The following EPHA5 variants were observed in gnomAD, a reference collection of about 807,000 sequenced individuals.
EPHA5 encodes the protein EPH receptor A5.
EPHA5 carries 60 observed loss-of-function variants against 105.0 expected under a neutral mutation model. That is an observed-to-expected ratio of 0.57 (90% CI 0.46 to 0.71). EPHA5 has a LOEUF of 0.71. EPHA5 is among the 30% of genes least tolerant of loss of function. The probability of loss-of-function intolerance (pLI) is 0.00; values close to 1 mark genes in which losing one functional copy is unlikely to be tolerated. For missense variants in EPHA5, 1,218 were observed against 1,274.7 expected (o/e 0.96, Z 0.68); for synonymous variants, 513 against 449.1 (o/e 1.14, Z -1.80).
intron 15 of EPHA5, among the ~76,000 whole-genome samples, chr4:65,333,241 TA>T (rs1171367496): frequency 6.6e-6 from 1 of 151,758 alleles, no homozygotes; most frequent in Non-Finnish European, 1.5e-5. Flanking sequence ...ATTGCAACTA[TA>T]AGAAAAAGGA....
intron 3 of EPHA5, among the ~76,000 whole-genome samples, chr4:65,532,168 T>C (rs1181003700): frequency 6.6e-6 from 1 of 152,088 alleles, no homozygotes; most frequent in Non-Finnish European, 1.5e-5. Flanking sequence ...CCTGCATAAA[T>C]TAAATCTCAT....
At chr4:65,562,486 G>A (rs7674785) in intron 3 of EPHA5, among the ~76,000 whole-genome samples, 137,853 of 152,028 alleles carry the variant, frequency 0.91, 62,572 homozygotes, top group Admixed American at 0.93. Flanking sequence ...ATTTTAAATT[G>A]ACATAAGAAA....
intron 3 of EPHA5, among the ~76,000 whole-genome samples, chr4:65,510,954 A>G (rs1164944581): frequency 6.6e-6 from 1 of 152,164 alleles, no homozygotes; most frequent in Non-Finnish European, 1.5e-5. Flanking sequence ...GTGCCTTATA[A>G]GAAGAGGATG....
intron 5 of EPHA5, among the ~76,000 whole-genome samples, chr4:65,438,430 A>G (rs968313871): frequency 2.8e-4 from 43 of 152,012 alleles, no homozygotes; most frequent in African/African-American, 9.9e-4. Flanking sequence ...ACACATGTAT[A>G]TATGTATCCA....
chr4:65,568,142 T>C (rs1034299703), intron 3 of EPHA5, among the ~76,000 whole-genome samples: 4 of 151,512 alleles, frequency 2.6e-5, no homozygotes, highest in African/African-American at 7.2e-5. Flanking sequence ...CTAGAGAAAA[T>C]GTGTCTGTTA....
intron 16 of EPHA5, chr4:65,330,742 T>C (rs906451653): frequency 3.9e-5 from 39 of 1,006,806 alleles, no homozygotes; most frequent in African/African-American, 5.2e-5. Flanking sequence ...TTTTTCAGTA[T>C]ACCAGTTTAA....
chr4:65,380,239 ATAGCT>A (rs951903557), intron 8 of EPHA5, among the ~76,000 whole-genome samples: 1 of 151,836 alleles, frequency 6.6e-6, no homozygotes, highest in African/African-American at 2.4e-5. Context: ...CAAGTTTAAA[ATAGCT>A]TAGCTCCTTT....
intron 3 of EPHA5, among the ~76,000 whole-genome samples, chr4:65,498,436 G>C (rs1732157997): frequency 6.6e-6 from 1 of 151,854 alleles, no homozygotes; most frequent in Admixed American, 6.6e-5. Context: ...TCAAAGTAGT[G>C]TTTATGAGAT....
chr4:65,522,059 C>T (rs541959597), intron 3 of EPHA5, among the ~76,000 whole-genome samples: 36 of 152,002 alleles, frequency 2.4e-4, no homozygotes, highest in African/African-American at 7.7e-4. Flanking sequence ...AAAAACCCAT[C>T]TTGGATCTTT....
intron 5 of EPHA5, among the ~76,000 whole-genome samples, chr4:65,460,665 A>G (rs1353646875): frequency 6.6e-6 from 1 of 151,772 alleles, no homozygotes. Context: ...GATAAAAATT[A>G]GAGACTTCTA....
At chr4:65,600,605 G>A (rs1743624477) in intron 3 of EPHA5, among the ~76,000 whole-genome samples, 1 of 152,118 alleles carries the variant, frequency 6.6e-6, no homozygotes, top group African/African-American at 2.4e-5. Flanking sequence ...ATGTAACAGA[G>A]TGGACTTAGG....
At chr4:65,362,715 A>C (rs1225619102) in intron 11 of EPHA5, among the ~76,000 whole-genome samples, 1 of 151,644 alleles carries the variant, frequency 6.6e-6, no homozygotes, top group African/African-American at 2.4e-5. Context: ...ATATATGAGA[A>C]ATCTGTTTGT....
intron 2 of EPHA5, among the ~76,000 whole-genome samples, chr4:65,623,001 T>A (rs1218105241): frequency 6.6e-6 from 1 of 152,122 alleles, no homozygotes; most frequent in Non-Finnish European, 1.5e-5. Flanking sequence ...TATATAACAA[T>A]TTTTATCAAC....
chr4:65,524,362 A>G (rs1244328572), intron 3 of EPHA5, among the ~76,000 whole-genome samples: 2 of 151,808 alleles, frequency 1.3e-5, no homozygotes, highest in South Asian at 2.1e-4. Context: ...TTCATATAAT[A>G]TCCTTTATTG....
intron 3 of EPHA5, among the ~76,000 whole-genome samples, chr4:65,576,030 G>A (rs1223412035): frequency 2.2e-4 from 16 of 72,118 alleles, no homozygotes; most frequent in Admixed American, 1.1e-3. Flanking sequence ...AAGAAAGAAA[G>A]AAAGAAAGAA....
intron 5 of EPHA5, among the ~76,000 whole-genome samples, chr4:65,449,744 A>G (rs903966289): frequency 1.3e-5 from 2 of 152,096 alleles, no homozygotes; most frequent in African/African-American, 4.8e-5. Context: ...CTCTGATATG[A>G]CTGTGTCCTC....
intron 14 of EPHA5, among the ~76,000 whole-genome samples, chr4:65,343,230 G>A (rs1381957224): frequency 6.6e-6 from 1 of 152,090 alleles, no homozygotes; most frequent in Non-Finnish European, 1.5e-5. Flanking sequence ...GGCTTCTACT[G>A]ACTACATGAT....
At chr4:65,647,473 C>T (rs1037212034) in intron 1 of EPHA5, among the ~76,000 whole-genome samples, 3 of 151,712 alleles carry the variant, frequency 2.0e-5, no homozygotes, top group Non-Finnish European at 2.9e-5. Context: ...ATCTTCTGTG[C>T]TATAATTACA....
chr4:65,438,437 TC>T (rs1419225001), intron 5 of EPHA5, among the ~76,000 whole-genome samples: 2 of 151,882 alleles, frequency 1.3e-5, no homozygotes, highest in African/African-American at 4.8e-5. Context: ...TATATATGTA[TC>T]CATATATATA....
Sources: gnomAD v4.1 joint callset for allele counts (sites outside exome capture counted in the v4.1 genomes callset) on GRCh38, gnomAD v4.1.1 for gene constraint, MANE v1.5 for transcripts, NCBI Gene and HGNC (gene_info 2026-07-23, HGNC 2026-07-21) for gene names.